Variants in SIK2 observed in about 807,000 individuals in gnomAD.
SIK2 encodes the protein serine/threonine-protein kinase SIK2.
A neutral mutation model predicts 103.2 loss-of-function variants in SIK2; 29 were observed. That is an observed-to-expected ratio of 0.28 (90% confidence interval 0.21 to 0.38). SIK2 has a LOEUF of 0.38. Among genes scored for constraint, SIK2 ranks in the 10% least tolerant of loss-of-function variants. The pLI is 1.00. For missense variants in SIK2, 879 were observed against 1,171.0 expected, an observed-to-expected ratio of 0.75 and a Z score of 3.64; for synonymous variants, 412 against 446.1, an observed-to-expected ratio of 0.92 and a Z score of 0.96.
intron 1 of SIK2, among the ~76,000 whole-genome samples, chr11:111,604,023 T>C (rs932984611): frequency 6.6e-6 from 1 of 152,276 alleles, no homozygotes; most frequent in Non-Finnish European, 1.5e-5. Context: ...CTTCCCCTGC[T>C]GGTCCTGAAC....
At chr11:111,604,532 G>T (rs2135826180) in intron 1 of SIK2, among the ~76,000 whole-genome samples, 1 of 152,276 alleles carries the variant, frequency 6.6e-6, no homozygotes, top group East Asian at 1.9e-4. Flanking sequence ...ACACTTTGAG[G>T]TTGACAATTC....
At chr11:111,669,296 GTC>G (rs1368049758) in intron 3 of SIK2, among the ~76,000 whole-genome samples, 4 of 152,174 alleles carry the variant, frequency 2.6e-5, no homozygotes, top group African/African-American at 9.7e-5. Context: ...CTAAGTGTCT[GTC>G]TCTCAGAATC....
At chr11:111,625,016 T>A (rs1175694928) in intron 3 of SIK2, among the ~76,000 whole-genome samples, 1 of 152,020 alleles carries the variant, frequency 6.6e-6, no homozygotes, top group African/African-American at 2.4e-5. Context: ...GGGAGGCCAG[T>A]ATGGCTCAAG....
intron 3 of SIK2, among the ~76,000 whole-genome samples, chr11:111,628,992 T>A (rs1440393915): frequency 6.6e-6 from 1 of 152,114 alleles, no homozygotes; most frequent in Non-Finnish European, 1.5e-5. Flanking sequence ...TGATGATGCC[T>A]ATAAGGGAGT....
At chr11:111,676,381 G>A (rs2135884504) in intron 3 of SIK2, among the ~76,000 whole-genome samples, 1 of 152,268 alleles carries the variant, frequency 6.6e-6, no homozygotes, top group South Asian at 2.1e-4. Context: ...CCCACCAGCA[G>A]TATATAAGCA....
intron 3 of SIK2, among the ~76,000 whole-genome samples, chr11:111,638,225 A>T (rs1942135851): frequency 1.3e-5 from 2 of 152,184 alleles, no homozygotes; most frequent in Non-Finnish European, 2.9e-5. Flanking sequence ...ATGCATGTTT[A>T]CTTAAGCTTT....
chr11:111,606,581 A>C (rs1941651077), intron 1 of SIK2, among the ~76,000 whole-genome samples: 1 of 152,146 alleles, frequency 6.6e-6, no homozygotes, highest in African/African-American at 2.4e-5. Flanking sequence ...CGTTTTACCT[A>C]ACAATTCCCT....
At chr11:111,640,378 T>C (rs1288434972) in intron 3 of SIK2, among the ~76,000 whole-genome samples, 1 of 152,256 alleles carries the variant, frequency 6.6e-6, no homozygotes, top group East Asian at 1.9e-4. Context: ...GCCCTGCCTA[T>C]GCACAATCAT....
At chr11:111,657,055 AG>A (rs781440464) in intron 3 of SIK2, among the ~76,000 whole-genome samples, 1 of 152,226 alleles carries the variant, frequency 6.6e-6, no homozygotes, top group Non-Finnish European at 1.5e-5. Context: ...AACTTGTATA[AG>A]ATGTGTTTTT....
intron 9 of SIK2, chr11:111,718,686 C>T (rs992448043): frequency 6.6e-6 from 1 of 152,148 alleles, no homozygotes; most frequent in East Asian, 1.9e-4. Flanking sequence ...TAAAGGGAAA[C>T]CCCACACCAC....
At chr11:111,638,686 T>G (rs1312886694) in intron 3 of SIK2, among the ~76,000 whole-genome samples, 1 of 152,158 alleles carries the variant, frequency 6.6e-6, no homozygotes, top group East Asian at 1.9e-4. Flanking sequence ...TAAACATATA[T>G]ATTTATCTCT....
At chr11:111,652,568 A>G (rs1398108750) in intron 3 of SIK2, among the ~76,000 whole-genome samples, 1 of 152,258 alleles carries the variant, frequency 6.6e-6, no homozygotes, top group Non-Finnish European at 1.5e-5. Flanking sequence ...TGGGCATCTA[A>G]TTAATATAAG....
At chr11:111,645,731 C>T (rs1942246409) in intron 3 of SIK2, among the ~76,000 whole-genome samples, 1 of 151,826 alleles carries the variant, frequency 6.6e-6, no homozygotes, top group South Asian at 2.1e-4. Flanking sequence ...AGGAGAATCA[C>T]TTGAACCCAG....
intron 2 of SIK2, 108 bp from the exon 3 acceptor site, chr11:111,620,231 A>T: frequency 1.3e-6 from 1 of 757,978 alleles, no homozygotes; most frequent in Non-Finnish European, 2.3e-6. Context: ...GGAATTGTTC[A>T]TAACTGTGAT....
At chr11:111,719,754 C>A in intron 9 of SIK2, 21 bp from the exon 10 acceptor site, 1 of 1,603,450 alleles carries the variant, frequency 6.2e-7, no homozygotes, top group South Asian at 1.1e-5. Flanking sequence ...AACTGAGTTT[C>A]CTCTCTCCCC....
chr11:111,715,803 T>C (rs1943625621), intron 9 of SIK2, among the ~76,000 whole-genome samples: 1 of 141,336 alleles, frequency 7.1e-6, no homozygotes, highest in South Asian at 2.5e-4. Flanking sequence ...CTTTTTTTTT[T>C]TTTTTTTTTT....
At chr11:111,614,679 G>T (rs554186281) in intron 1 of SIK2, among the ~76,000 whole-genome samples, 1 of 152,170 alleles carries the variant, frequency 6.6e-6, no homozygotes, top group Non-Finnish European at 1.5e-5. Flanking sequence ...AAGAAAATTT[G>T]TGTATCAGTG....
intron 3 of SIK2, among the ~76,000 whole-genome samples, chr11:111,625,064 GT>G (rs1479775348): frequency 1.3e-5 from 2 of 152,192 alleles, no homozygotes; most frequent in Non-Finnish European, 2.9e-5. Context: ...AGGAAGAACA[GT>G]AGAAGAGGAG....
chr11:111,660,380 A>C (rs539862420), intron 3 of SIK2, among the ~76,000 whole-genome samples: 1 of 152,218 alleles, frequency 6.6e-6, no homozygotes, highest in South Asian at 2.1e-4. Context: ...TACTGTGAGA[A>C]TTTTACCTGA....
Sources: gnomAD v4.1 joint callset for allele counts (sites outside exome capture counted in the v4.1 genomes callset) on GRCh38, gnomAD v4.1.1 for gene constraint, MANE v1.5 for transcripts, NCBI Gene and HGNC (gene_info 2026-07-23, HGNC 2026-07-21) for gene names.